The following SRGAP1 variants were observed in gnomAD, a reference collection of about 807,000 sequenced individuals.
The protein encoded by SRGAP1 is SLIT-ROBO Rho GTPase activating protein 1.
SRGAP1 carries 43 observed loss-of-function variants against 121.9 expected under a neutral mutation model. The ratio of observed to expected loss-of-function variants is 0.35; its 90% CI spans 0.28 to 0.46. The LOEUF is 0.46. Ranked by LOEUF, SRGAP1 falls within the 20% of genes least tolerant of loss-of-function variation. SRGAP1 has a pLI of 1.00. For synonymous variants in SRGAP1, 447 were observed against 485.4 expected, an observed-to-expected ratio of 0.92 and a Z score of 1.04; for missense variants, 1,102 against 1,350.9, an observed-to-expected ratio of 0.82 and a Z score of 2.89.
chr12:64,091,178 C>A, intron 11 of SRGAP1, 98 bp from the exon 12 acceptor site: 1 of 747,056 alleles, frequency 1.3e-6, no homozygotes, highest in East Asian at 3.1e-5. Flanking sequence ...GGGAAGGAAC[C>A]CAAGATTCCC....
intron 1 of SRGAP1, among the ~76,000 whole-genome samples, chr12:63,924,096 C>T (rs763563799): frequency 3.3e-4 from 50 of 151,584 alleles, no homozygotes; most frequent in Non-Finnish European, 6.3e-4. Context: ...AGGTGGAGGT[C>T]GTAGTGAGCC....
At chr12:64,101,667 G>T (rs1344321026) in intron 15 of SRGAP1, among the ~76,000 whole-genome samples, 1 of 152,030 alleles carries the variant, frequency 6.6e-6, no homozygotes, top group Non-Finnish European at 1.5e-5. Flanking sequence ...CAATGCTCCA[G>T]GTCATACCCA....
At chr12:63,971,715 G>T (rs1445472314) in intron 1 of SRGAP1, among the ~76,000 whole-genome samples, 2 of 152,012 alleles carry the variant, frequency 1.3e-5, no homozygotes, top group East Asian at 1.9e-4. Context: ...ACTTGCTAAG[G>T]CCTGAAAAAT....
intron 1 of SRGAP1, among the ~76,000 whole-genome samples, chr12:63,958,798 G>A (rs2032551641): frequency 6.6e-6 from 1 of 152,088 alleles, no homozygotes; most frequent in African/African-American, 2.4e-5. Flanking sequence ...CCTTGTCAAC[G>A]GAAGGCTGAT....
chr12:63,896,616 T>C (rs1209195180), intron 1 of SRGAP1, among the ~76,000 whole-genome samples: 2 of 152,206 alleles, frequency 1.3e-5, no homozygotes, highest in Non-Finnish European at 2.9e-5. Context: ...CCAAGCATCA[T>C]TTAGCCAGTT....
chr12:64,027,011 A>T (rs2034669050), intron 4 of SRGAP1, among the ~76,000 whole-genome samples: 1 of 152,074 alleles, frequency 6.6e-6, no homozygotes, highest in Non-Finnish European at 1.5e-5. Context: ...TTTAATTCAG[A>T]TTAGCAAGTA....
chr12:64,018,839 G>A (rs2034474168), intron 4 of SRGAP1, among the ~76,000 whole-genome samples: 1 of 152,114 alleles, frequency 6.6e-6, no homozygotes, highest in South Asian at 2.1e-4. Context: ...ATACCCTAAG[G>A]TATCAACCAT....
At chr12:63,992,660 T>TACACACACACACAC (rs59798383) in intron 3 of SRGAP1, among the ~76,000 whole-genome samples, 143 of 138,570 alleles carry the variant, frequency 1.0e-3, no homozygotes, top group African/African-American at 3.6e-3. Context: ...GCACAGTAAA[T>TACACACACACACAC]ACACACACAC....
At chr12:64,044,026 C>T (rs1339763398) in intron 6 of SRGAP1, among the ~76,000 whole-genome samples, 1 of 152,126 alleles carries the variant, frequency 6.6e-6, no homozygotes, top group African/African-American at 2.4e-5. Flanking sequence ...TGGATGATTA[C>T]TTTATTACAG....
rs189490375 is a variant in SRGAP1 at position 63,911,827 on chromosome 12, A to G, written c.67+66944A>G. Among the ~76,000 whole-genome samples, 49 of 152,336 alleles carry G rather than the reference A, an allele frequency of 3.2e-4. 1 individual carries two copies. The highest frequency in any genetic ancestry group is 2.6e-3 in the Admixed American group (40 of 15,296). On this transcript the variant is annotated intron_variant, in intron 1 of 21. Transcript: ENST00000355086. ...AGAGGAAGTGTCTTTCAATAACCCA[A>G]AACTACTGGCTTCTAATTTTAGGGA...
intron 18 of SRGAP1, among the ~76,000 whole-genome samples, chr12:64,122,248 A>T (rs2036615718): frequency 6.6e-6 from 1 of 152,144 alleles, no homozygotes; most frequent in Admixed American, 6.5e-5. Flanking sequence ...ATCATGTTGC[A>T]CTCTCACTAT....
intron 3 of SRGAP1, among the ~76,000 whole-genome samples, chr12:64,013,610 A>C (rs2034316025): frequency 6.6e-6 from 1 of 152,170 alleles, no homozygotes; most frequent in African/African-American, 2.4e-5. Context: ...TTTTCACAAA[A>C]TCTAAAATTC....
At position 63,850,281 on chromosome 12, in the gene SRGAP1, A is replaced by G. The variant is rs116070760; in HGVS notation, c.67+5398A>G. On this transcript the variant is annotated intron_variant, in intron 1 of 21. Coordinates refer to ENST00000355086, the MANE Select transcript of SRGAP1 (RefSeq NM_020762.4). Reference sequence around the variant, plus strand: ...TTTGAGCAAAGCATGACCTTCTGAAACACATGAGGGCTGGATTATAATACA... The same window carrying G: ...TTTGAGCAAAGCATGACCTTCTGAAGCACATGAGGGCTGGATTATAATACA... Among the ~76,000 whole-genome samples, 330 of 152,292 alleles carry G rather than the reference A, an allele frequency of 2.2e-3. 1 individual carries two copies. Among genetic ancestry groups the G allele is most frequent in the African/African-American group, 7.7e-3 (319 of 41,564 alleles).
chr12:64,138,215 T>C (rs978428598), intron 21 of SRGAP1, among the ~76,000 whole-genome samples: 1 of 151,696 alleles, frequency 6.6e-6, no homozygotes, highest in Non-Finnish European at 1.5e-5. Flanking sequence ...AATCATACAG[T>C]ATTTGTATTT....
intron 1 of SRGAP1, among the ~76,000 whole-genome samples, chr12:63,877,330 G>A (rs1900061986): frequency 6.6e-6 from 1 of 152,166 alleles, no homozygotes; most frequent in Non-Finnish European, 1.5e-5. Flanking sequence ...CTCTGCCAAT[G>A]CTTTCTTCTT....
chr12:63,849,350 G>T (rs1400830338), intron 1 of SRGAP1, among the ~76,000 whole-genome samples: 1 of 152,150 alleles, frequency 6.6e-6, no homozygotes, highest in Non-Finnish European at 1.5e-5. Flanking sequence ...ACACATATGG[G>T]AACAATAAAG....
chr12:64,120,351 C>CA (rs984189145), intron 18 of SRGAP1: 1 of 152,156 alleles, frequency 6.6e-6, no homozygotes, highest in Non-Finnish European at 1.5e-5. Flanking sequence ...GCCTGGGTTA[C>CA]AACCAGCCTA....
At chr12:64,043,609 A>G (rs1170366739) in intron 6 of SRGAP1, 34 bp downstream of exon 6, 4 of 1,517,656 alleles carry the variant, frequency 2.6e-6, no homozygotes, top group Admixed American at 2.0e-5. Context: ...TTTCCATATT[A>G]AAATGAAATT....
At chr12:63,939,857 A>G (rs1404139978) in intron 1 of SRGAP1, among the ~76,000 whole-genome samples, 2 of 152,120 alleles carry the variant, frequency 1.3e-5, no homozygotes, top group Admixed American at 6.5e-5. Context: ...GATTGAACCT[A>G]AAGATCTGTA....
Sources: gnomAD v4.1 joint callset for allele counts (sites outside exome capture counted in the v4.1 genomes callset) on GRCh38, gnomAD v4.1.1 for gene constraint, MANE v1.5 for transcripts, NCBI Gene and HGNC (gene_info 2026-07-23, HGNC 2026-07-21) for gene names.